The following ECE1 variants were observed in gnomAD, a reference collection of about 807,000 sequenced individuals.
The protein encoded by ECE1 is endothelin converting enzyme 1.
Under a neutral mutation model 98.6 loss-of-function variants are expected in ECE1, and 35 were observed. The observed-to-expected ratio is 0.35, with a 90% CI of 0.27 to 0.47. The LOEUF is 0.47. Ranked by LOEUF, ECE1 falls within the 20% of genes least tolerant of loss-of-function variation. The pLI, the probability that ECE1 is intolerant of heterozygous loss-of-function variation, is 1.00. For synonymous variants in ECE1, 394 were observed against 407.1 expected, an observed-to-expected ratio of 0.97 and a Z score of 0.39; for missense variants, 814 against 1,025.3, an observed-to-expected ratio of 0.79 and a Z score of 2.81.
intron 1 of ECE1, among the ~76,000 whole-genome samples, chr1:21,301,996 C>T (rs1000720867): frequency 2.6e-5 from 4 of 152,110 alleles, no homozygotes; most frequent in Admixed American, 1.3e-4. Context: ...GAGGCCAGAC[C>T]GCCCCTTCCA....
chr1:21,314,654 C>G (rs1284608762), intron 1 of ECE1, among the ~76,000 whole-genome samples: 1 of 152,190 alleles, frequency 6.6e-6, no homozygotes, highest in Non-Finnish European at 1.5e-5. Context: ...AATCCAACCT[C>G]CCCTCCAGGG....
At chr1:21,336,327 G>C (rs1436214959) in intron 1 of ECE1, among the ~76,000 whole-genome samples, 1 of 152,176 alleles carries the variant, frequency 6.6e-6, no homozygotes, top group Non-Finnish European at 1.5e-5. Flanking sequence ...GCTGCAGTGA[G>C]CTGTGTTCAT....
At chr1:21,247,697 G>A (rs557147167) in intron 8 of ECE1, among the ~76,000 whole-genome samples, 2 of 152,312 alleles carry the variant, frequency 1.3e-5, no homozygotes, top group African/African-American at 4.8e-5. Flanking sequence ...GTCCTCACGC[G>A]AGTCCAAGCA....
At position 21,332,283 on chromosome 1, in the gene ECE1, C is replaced by T. The variant is rs538256795; in HGVS notation, c.3+13093G>A. 3.3e-5 allele frequency among the ~76,000 whole-genome samples: 5 copies of T among 152,174 alleles called. No individual in the cohort carries two copies. The South Asian group carries it at 1.0e-3, about 32-fold the overall frequency. ...CTTCCAGTCCCATCCCTGCCAGACA[C>T]TGGGAACGCAGAGGTGAAAAGGCAG... On this transcript the variant is annotated intron_variant, in intron 1 of 18. Transcript: ENST00000415912.
At position 21,345,421 on chromosome 1, in the gene ECE1, C is replaced by T; in HGVS notation, c.-43G>A. 1 of 1,318,986 alleles carries T rather than the reference C, an allele frequency of 7.6e-7. No homozygotes were observed. The highest frequency in any genetic ancestry group is 9.8e-7 in the Non-Finnish European group (1 of 1,023,602). 81.7% of individuals were successfully genotyped at this position (1,318,986 alleles called of 1,614,324 possible). A position where few individuals can be genotyped will look rare whatever the true frequency, so the allele number is the denominator to read the frequency against. On this transcript the variant is annotated 5_prime_UTR_variant, in exon 1 of 19. Coordinates refer to the ECE1 transcript ENST00000415912. This position sits in a 1 kb window ranked among gnomAD's most constrained non-coding sequence, Gnocchi z 5.1. ...CCGGCTTCGCGCAGCTCCCCGCGCC[C>T]GGCTCCCGATTCCCAGCTCCGGGTT...
Position 21,228,012 on chromosome 1 carries a change from G to A in ECE1, c.1700C>T (p.Ala567Val). Residue 567 changes from alanine (A) to valine (V), a missense_variant, in exon 15 of 19, where the codon GCC (alanine) becomes GTC (valine). By Grantham distance (64) the Ala-to-Val change is moderately conservative (BLOSUM62 0). Transcript: ENST00000374893. The part of the protein sequence containing the change: ...QWSMTPPMVN[A>V]YYSPTKNEIV... ...CTCATTCTTGGTGGGCGAGTAGTAG[G>A]CGTTCACCATGGGCGGGGTCATGCT... The A allele has an allele frequency of 6.4e-7, 1 of 1,564,680 alleles. No homozygotes were observed. The highest frequency in any genetic ancestry group is 8.7e-7 in the Non-Finnish European group (1 of 1,153,796).
In ECE1 at chr1:21,324,976, G is replaced by A. The variant is rs148753738; in HGVS notation, c.3+20400C>T. On this transcript the variant is annotated intron_variant, in intron 1 of 18. Coordinates refer to the ECE1 transcript ENST00000415912. ...CGAAAGAAGGAGAAAAACAGTTCTCGTTAAGCCATGTCTTCAATGGAGGTA... is the reference window on the plus strand; with the variant it reads ...CGAAAGAAGGAGAAAAACAGTTCTCATTAAGCCATGTCTTCAATGGAGGTA... 3.5e-3 allele frequency among the ~76,000 whole-genome samples: 526 copies of A among 152,302 alleles called. 2 individuals are homozygous for A. Among genetic ancestry groups the A allele is most frequent in the Non-Finnish European group, 6.2e-3 (419 of 68,020 alleles).
chr1:21,333,854 G>A (rs996068274), intron 1 of ECE1, among the ~76,000 whole-genome samples: 2 of 152,032 alleles, frequency 1.3e-5, no homozygotes, highest in African/African-American at 2.4e-5. Flanking sequence ...AAATGACGGA[G>A]CCACAAAGGT....
intron 10 of ECE1, among the ~76,000 whole-genome samples, chr1:21,240,805 G>A (rs1437399602): frequency 6.6e-6 from 1 of 152,204 alleles, no homozygotes; most frequent in African/African-American, 2.4e-5. Flanking sequence ...GAAGCTCCGT[G>A]GAGGCTCCAG....
At chr1:21,246,744 C>T (rs1029640645) in intron 9 of ECE1, among the ~76,000 whole-genome samples, 2 of 152,104 alleles carry the variant, frequency 1.3e-5, no homozygotes, top group Non-Finnish European at 2.9e-5. Flanking sequence ...ACAACCTCTG[C>T]CTCCTGAGCT....
chr1:21,300,991 C>G (rs1638470743), intron 1 of ECE1, among the ~76,000 whole-genome samples: 1 of 152,170 alleles, frequency 6.6e-6, no homozygotes, highest in Admixed American at 6.5e-5. Flanking sequence ...AACTTGCTCC[C>G]TAGCACTCAT....
At chr1:21,328,973 T>A (rs1015213859) in intron 1 of ECE1, among the ~76,000 whole-genome samples, 1 of 152,086 alleles carries the variant, frequency 6.6e-6, no homozygotes, top group Non-Finnish European at 1.5e-5. Context: ...TGCTGGCTGT[T>A]CATCATGACT....
chr1:21,239,539 C>G (rs932314491), intron 10 of ECE1, among the ~76,000 whole-genome samples: 1 of 152,104 alleles, frequency 6.6e-6, no homozygotes, highest in Non-Finnish European at 1.5e-5. Context: ...TACTACTTGG[C>G]AACAAAAAGG....
intron 3 of ECE1, among the ~76,000 whole-genome samples, chr1:21,273,358 T>C (rs987821071): frequency 4.0e-5 from 6 of 149,314 alleles, no homozygotes; most frequent in African/African-American, 7.6e-5. Flanking sequence ...TGTGTGTGTG[T>C]GTGTGTGTGT....
chr1:21,345,335 G>A lies in ECE1; in HGVS notation c.3+41C>T. 1 of 1,355,270 alleles carries A rather than the reference G, an allele frequency of 7.4e-7. No individual in the cohort carries two copies. The highest frequency in any genetic ancestry group is 9.6e-7 in the Non-Finnish European group (1 of 1,045,842). The allele number at this position is 1,355,270 out of a possible 1,614,324, so 84.0% of individuals were successfully genotyped here. On this transcript the variant is annotated intron_variant, in intron 1 of 18. Coordinates refer to the ECE1 transcript ENST00000415912. This position sits in a 1 kb window ranked among gnomAD's most constrained non-coding sequence, Gnocchi z 5.1. ...GGCACCGCTGCCCGCGACCGTCGAG[G>A]CTGGGCTGGACCGGACCAGACCTCC...
At chr1:21,279,390 T>A in intron 2 of ECE1, 58 bp from the exon 3 acceptor site, 1 of 1,613,196 alleles carries the variant, frequency 6.2e-7, no homozygotes, top group South Asian at 1.1e-5. Context: ...CCCGCTTCCC[T>A]TGGAGGAAGG....
chr1:21,253,456 CTG>C (rs2098215358), intron 8 of ECE1, among the ~76,000 whole-genome samples: 1 of 152,012 alleles, frequency 6.6e-6, no homozygotes, highest in African/African-American at 2.4e-5. Flanking sequence ...TCAAAGGACT[CTG>C]TGACTTAAAG....
chr1:21,313,458 G>A (rs774265417), intron 1 of ECE1, among the ~76,000 whole-genome samples: 12 of 152,172 alleles, frequency 7.9e-5, no homozygotes, highest in Non-Finnish European at 2.9e-5. Context: ...GGCTCAGGAG[G>A]ACAGGAGCTG....
rs1202189949 is a variant in ECE1, at chr1:21,272,835, C to T, written c.357G>A (p.Val119=). ...AGCTGAAGAAGTCATGGCAGGGGTC[C>T]ACTGTGGGGTCCATGGAGCTCAAGA... ...SSILSSMDPT[V]DPCHDFFSYA... The change falls in exon 4 of 19, where the codon GTG becomes GTA. Residue 119 remains valine (V), a synonymous_variant. Coordinates refer to ENST00000374893, the MANE Select transcript of ECE1 (RefSeq NM_001397.3). 1.2e-6 allele frequency: 2 copies of T among 1,614,244 alleles called. No individual in the cohort carries two copies. Among genetic ancestry groups the T allele is most frequent in the Admixed American group, 1.7e-5 (1 of 60,032 alleles).
Sources: allele counts gnomAD v4.1 joint callset (sites outside exome capture counted in the v4.1 genomes callset), GRCh38; gene constraint gnomAD v4.1.1; non-coding constraint Gnocchi (gnomAD v3.1); transcripts MANE v1.5; gene names NCBI Gene and HGNC (gene_info 2026-07-23, HGNC 2026-07-21).